The following TENM4 variants were observed in gnomAD, a reference collection of about 807,000 sequenced individuals.
TENM4 encodes the protein teneurin transmembrane protein 4, also known as teneurin-4.
In TENM4, 82 loss-of-function variants were observed where a neutral mutation model predicts 243.3. The observed-to-expected ratio is 0.34, with a 90% CI of 0.28 to 0.40. The LOEUF (loss-of-function observed/expected upper bound fraction) is 0.40, where lower values mean the gene tolerates loss of function less well. Ranked by LOEUF, TENM4 falls within the 10% of genes least tolerant of loss-of-function variation. The pLI is 1.00. For missense variants in TENM4, 3,138 were observed against 3,673.3 expected (o/e 0.85, Z 3.77); for synonymous variants, 1,412 against 1,456.3 (o/e 0.97, Z 0.69).
intron 3 of TENM4, among the ~76,000 whole-genome samples, chr11:79,185,863 C>T (rs1166764036): frequency 6.6e-6 from 1 of 152,128 alleles, no homozygotes; most frequent in Non-Finnish European, 1.5e-5. Context: ...AAACATCTGC[C>T]AAAGAGGTAA....
At chr11:79,281,741 T>C (rs1209415686) in intron 2 of TENM4, among the ~76,000 whole-genome samples, 1 of 152,190 alleles carries the variant, frequency 6.6e-6, no homozygotes, top group African/African-American at 2.4e-5. Context: ...CCAAATCTCA[T>C]ATCAATTCTG....
At chr11:79,070,609 C>T (rs1244438744) in intron 4 of TENM4, among the ~76,000 whole-genome samples, 1 of 152,128 alleles carries the variant, frequency 6.6e-6, no homozygotes, top group Non-Finnish European at 1.5e-5. Flanking sequence ...TCTGTAAGCT[C>T]TATGAGAGCA....
At chr11:79,299,116 T>C (rs564541285) in intron 1 of TENM4, among the ~76,000 whole-genome samples, 3 of 151,930 alleles carry the variant, frequency 2.0e-5, no homozygotes, top group African/African-American at 7.3e-5. Context: ...ACACACACAA[T>C]TTATTAAAAT....
intron 6 of TENM4, among the ~76,000 whole-genome samples, chr11:79,005,394 G>A (rs1241015961): frequency 6.6e-6 from 1 of 152,122 alleles, no homozygotes; most frequent in African/African-American, 2.4e-5. Flanking sequence ...ACATCAAAAA[G>A]GTAATCCACC....
intron 3 of TENM4, among the ~76,000 whole-genome samples, chr11:79,182,254 C>T (rs751678608): frequency 1.4e-4 from 22 of 152,056 alleles, no homozygotes; most frequent in South Asian, 2.1e-4. Flanking sequence ...AATACATCAA[C>T]GGAACAGAAT....
At chr11:79,433,781 T>A (rs995867514) in intron 1 of TENM4, among the ~76,000 whole-genome samples, 1 of 152,214 alleles carries the variant, frequency 6.6e-6, no homozygotes, top group African/African-American at 2.4e-5. Flanking sequence ...TCTGATTTGA[T>A]GTTCAGAACA....
rs569401092 is a variant in TENM4 at position 79,309,807 on chromosome 11, G to A, written c.-320-12264C>T. Among the ~76,000 whole-genome samples, 6 of 152,254 alleles carry A rather than the reference G, an allele frequency of 3.9e-5. No homozygotes were observed. The East Asian group carries it at 5.8e-4, about 15-fold the overall frequency. On this transcript the variant is annotated intron_variant, in intron 1 of 33. Coordinates refer to ENST00000278550, the MANE Select transcript of TENM4 (RefSeq NM_001098816.3). Reference sequence around the variant, plus strand: ...GATACTTCTGATTTCTTATAGCATCGGTTTCCTCACCTGAAGAAGCTCACA... The same window carrying A: ...GATACTTCTGATTTCTTATAGCATCAGTTTCCTCACCTGAAGAAGCTCACA...
At chr11:79,181,566 T>C (rs1343141063) in intron 3 of TENM4, among the ~76,000 whole-genome samples, 1 of 152,048 alleles carries the variant, frequency 6.6e-6, no homozygotes, top group African/African-American at 2.4e-5. Context: ...CCACTACTTT[T>C]TAATATTTTA....
intron 12 of TENM4, among the ~76,000 whole-genome samples, chr11:78,835,121 G>C (rs1488813795): frequency 6.6e-6 from 1 of 152,110 alleles, no homozygotes; most frequent in Non-Finnish European, 1.5e-5. Context: ...GGGCGGTGAG[G>C]CATGTAACAG....
chr11:78,892,678 A>G (rs1301354747), intron 7 of TENM4, among the ~76,000 whole-genome samples: 1 of 152,188 alleles, frequency 6.6e-6, no homozygotes. Flanking sequence ...TACATCTACC[A>G]CATATTATTT....
intron 6 of TENM4, among the ~76,000 whole-genome samples, chr11:78,921,030 G>A (rs1424097802): frequency 3.9e-5 from 6 of 152,224 alleles, no homozygotes; most frequent in African/African-American, 1.4e-4. Context: ...AGGAAACTGG[G>A]TCTCAGGGAA....
At chr11:78,880,488 A>AAAAAAG (rs1368857006) in intron 9 of TENM4, among the ~76,000 whole-genome samples, 95 of 112,902 alleles carry the variant, frequency 8.4e-4, no homozygotes, top group African/African-American at 2.1e-3. Flanking sequence ...AAAAAAAAAA[A>AAAAAAG]AGAAAGAAAA....
At chr11:79,038,984 T>C (rs1859452103) in intron 6 of TENM4, among the ~76,000 whole-genome samples, 1 of 152,108 alleles carries the variant, frequency 6.6e-6, no homozygotes. Flanking sequence ...GATAAATAAA[T>C]GTATTTAGCA....
intron 1 of TENM4, among the ~76,000 whole-genome samples, chr11:79,354,531 T>G (rs1478934537): frequency 1.3e-5 from 2 of 152,224 alleles, no homozygotes; most frequent in Non-Finnish European, 2.9e-5. Flanking sequence ...CTTAAATTTA[T>G]ATTTTTCTCT....
At position 78,899,566 on chromosome 11, in the gene TENM4, G is replaced by T. The variant is rs11237654; in HGVS notation, c.749+3702C>A. 2.4e-4 allele frequency among the ~76,000 whole-genome samples: 30 copies of T among 126,636 alleles called. 1 individual carries two copies. The highest frequency in any genetic ancestry group is 6.7e-4 in the African/African-American group (24 of 35,666). The allele number at this position is 126,636 out of a possible 152,430, so 83.1% of individuals were successfully genotyped here. ...GCACTCTGTCTCAAAAAGCGGGGGGGGGGGGAAAAAGAAAAAAGAAAGAAA... is the reference window on the plus strand; with the variant it reads ...GCACTCTGTCTCAAAAAGCGGGGGGTGGGGGAAAAAGAAAAAAGAAAGAAA... On this transcript the variant is annotated intron_variant, in intron 7 of 33. Transcript: ENST00000278550.
intron 4 of TENM4, among the ~76,000 whole-genome samples, chr11:79,074,191 T>A (rs533475607): frequency 6.6e-6 from 1 of 152,282 alleles, no homozygotes; most frequent in South Asian, 2.1e-4. Flanking sequence ...TCAGCAAATA[T>A]TTACTGTTTT....
chr11:79,314,895 T>C (rs1004480801), intron 1 of TENM4, among the ~76,000 whole-genome samples: 1 of 152,172 alleles, frequency 6.6e-6, no homozygotes, highest in African/African-American at 2.4e-5. Flanking sequence ...AGGCCTGGGT[T>C]TCAGTATTTG....
At chr11:79,113,854 A>C (rs1286093631) in intron 4 of TENM4, among the ~76,000 whole-genome samples, 1 of 152,188 alleles carries the variant, frequency 6.6e-6, no homozygotes, top group Non-Finnish European at 1.5e-5. Context: ...GAAGGAGACC[A>C]AGACTTGTGT....
At chr11:79,010,461 C>T (rs1023241451) in intron 6 of TENM4, among the ~76,000 whole-genome samples, 21 of 151,960 alleles carry the variant, frequency 1.4e-4, no homozygotes, top group Non-Finnish European at 1.9e-4. Context: ...GGGTATTAGT[C>T]TGTTATCATG....
Sources: allele counts gnomAD v4.1 joint callset (sites outside exome capture counted in the v4.1 genomes callset), GRCh38; gene constraint gnomAD v4.1.1; transcripts MANE v1.5; gene names NCBI Gene and HGNC (gene_info 2026-07-23, HGNC 2026-07-21).